Variants in ACTN4 observed in about 807,000 individuals in gnomAD.
ACTN4 encodes alpha-actinin-4.
A neutral mutation model predicts 114.2 loss-of-function variants in ACTN4; 18 were observed. That is an observed-to-expected ratio of 0.16 (90% CI 0.11 to 0.23). The LOEUF (loss-of-function observed/expected upper bound fraction) is 0.23. Among genes scored for constraint, ACTN4 ranks in the 10% least tolerant of loss-of-function variants. The pLI, the probability that ACTN4 is intolerant of heterozygous loss-of-function variation, is 1.00. For synonymous variants in ACTN4, 515 were observed against 506.3 expected (o/e 1.02, Z -0.23); for missense variants, 722 against 1,262.9 (o/e 0.57, Z 6.49).
At chr19:38,692,622 G>A (rs1195774979) in intron 1 of ACTN4, among the ~76,000 whole-genome samples, 1 of 152,220 alleles carries the variant, frequency 6.6e-6, no homozygotes. Flanking sequence ...AAGCCCATGG[G>A]CTGGGGAGCC....
At chr19:38,698,294 G>A (rs1968157000) in intron 1 of ACTN4, among the ~76,000 whole-genome samples, 1 of 152,196 alleles carries the variant, frequency 6.6e-6, no homozygotes, top group South Asian at 2.1e-4. Flanking sequence ...TTGCAGAGGA[G>A]GAAATGGAAG....
At chr19:38,677,629 A>G (rs1399624530) in intron 1 of ACTN4, among the ~76,000 whole-genome samples, 2 of 82,626 alleles carry the variant, frequency 2.4e-5, no homozygotes, top group Admixed American at 1.2e-4. Context: ...CTGGAAGGTC[A>G]TAAGAAGTCC....
At chr19:38,710,210 A>T (rs747236797) in intron 7 of ACTN4, 47 bp from the exon 8 acceptor site, 1 of 1,602,924 alleles carries the variant, frequency 6.2e-7, no homozygotes, top group Non-Finnish European at 8.5e-7. Context: ...TGACGCCTCC[A>T]CCCCCCGCCC....
Position 38,729,405 on chromosome 19 carries a change from G to T in ACTN4, c.2709G>T (p.Thr903=). 1 of 1,612,816 alleles carries T rather than the reference G, an allele frequency of 6.2e-7. No homozygotes were observed. Among genetic ancestry groups the T allele is most frequent in the Non-Finnish European group, 8.5e-7 (1 of 1,179,964 alleles). The change falls in exon 21 of 21, where the codon ACG becomes ACT. Residue 903 remains threonine, a synonymous_variant. Transcript: ENST00000252699. The part of the protein sequence containing the change: ...PGALDYKSFS[T]ALYGESDL ...CCCTCGACTACAAGTCCTTCTCCAC[G>T]GCCTTGTATGGCGAGAGCGACCTGT... is the stretch of plus-strand genomic sequence containing the variant.
intron 3 of ACTN4, 44 bp downstream of exon 3, chr19:38,701,165 C>A (rs1462277031): frequency 6.2e-7 from 1 of 1,611,736 alleles, no homozygotes; most frequent in African/African-American, 1.3e-5. Context: ...CGGTTTCTGA[C>A]CTTTAGGCTC....
intron 12 of ACTN4, among the ~76,000 whole-genome samples, 169 bp from the exon 13 acceptor site, chr19:38,723,445 T>C (rs1969114518): frequency 1.3e-5 from 2 of 152,134 alleles, no homozygotes; most frequent in African/African-American, 4.8e-5. Context: ...GGGGGTCCCA[T>C]GGGCCAGAAC....
intron 1 of ACTN4, among the ~76,000 whole-genome samples, chr19:38,695,322 G>A (rs767584114): frequency 1.3e-5 from 2 of 152,218 alleles, no homozygotes; most frequent in Non-Finnish European, 2.9e-5. Context: ...AGTCAGAGTC[G>A]CTGCTGCCCC....
Position 38,724,008 on chromosome 19 carries a change from C to T in ACTN4, c.1623C>T (p.Asn541=), listed in dbSNP as rs1323538463. ...ACGCCAAGCGCGCGGCCCCCTTCAA[C>T]AACTGGATGGAGAGCGCCATGGAGG... ...LEYAKRAAPF[N]NWMESAMEDL... is the part of the protein sequence containing the mutation. The change falls in exon 14 of 21, where the codon AAC becomes AAT. Residue 541 remains asparagine (N), a synonymous_variant. Transcript: ENST00000252699. The surrounding 1 kb of genome is among the most constrained non-coding windows in gnomAD (Gnocchi z 7.0). 1 of 1,613,888 alleles carries T rather than the reference C, an allele frequency of 6.2e-7. No individual in the cohort carries two copies.
intron 12 of ACTN4, among the ~76,000 whole-genome samples, chr19:38,722,737 C>T (rs1021013735): frequency 1.3e-5 from 2 of 152,236 alleles, no homozygotes; most frequent in Admixed American, 6.5e-5. Context: ...GCAGCTTCCC[C>T]AGTGACGGAA....
chr19:38,670,218 C>T (rs968192112), intron 1 of ACTN4, among the ~76,000 whole-genome samples: 1 of 152,170 alleles, frequency 6.6e-6, no homozygotes, highest in Non-Finnish European at 1.5e-5. Context: ...GATCACGTAA[C>T]ACCCTCCACT....
intron 1 of ACTN4, among the ~76,000 whole-genome samples, chr19:38,696,456 C>T (rs1238955339): frequency 2.6e-5 from 4 of 152,136 alleles, no homozygotes; most frequent in Non-Finnish European, 4.4e-5. Context: ...ATCCACCCCA[C>T]GCAGCGTAGT....
intron 11 of ACTN4, among the ~76,000 whole-genome samples, chr19:38,719,990 G>C (rs1042010186): frequency 6.6e-6 from 1 of 152,210 alleles, no homozygotes; most frequent in Admixed American, 6.5e-5. Flanking sequence ...GCATCCACGC[G>C]GGTCTGCCCA....
chr19:38,682,379 C>T (rs1411116122), intron 1 of ACTN4, among the ~76,000 whole-genome samples: 2 of 151,454 alleles, frequency 1.3e-5, no homozygotes, highest in Non-Finnish European at 2.9e-5. Context: ...GAAACAGGGT[C>T]TCACTATGTT....
intron 6 of ACTN4, 113 bp downstream of exon 6, chr19:38,708,308 C>A: frequency 1.7e-6 from 2 of 1,204,048 alleles, no homozygotes; most frequent in Non-Finnish European, 1.2e-6. Context: ...CTGGGTTCTG[C>A]ACGCAGATGG....
At chr19:38,667,638 G>A (rs1292316854) in intron 1 of ACTN4, among the ~76,000 whole-genome samples, 2 of 151,742 alleles carry the variant, frequency 1.3e-5, no homozygotes, top group African/African-American at 4.8e-5. Flanking sequence ...CTAGGTGCAC[G>A]GTGCCCCATT....
chr19:38,712,248 G>T (rs28488032), intron 8 of ACTN4, among the ~76,000 whole-genome samples: 13 of 151,540 alleles, frequency 8.6e-5, no homozygotes, highest in African/African-American at 2.9e-4. Flanking sequence ...AAACTAGAAG[G>T]GGGGGGCCGT....
At chr19:38,653,492 G>A (rs1232269684) in intron 1 of ACTN4, among the ~76,000 whole-genome samples, 2 of 150,834 alleles carry the variant, frequency 1.3e-5, no homozygotes, top group African/African-American at 4.9e-5. Flanking sequence ...TATAATTAGT[G>A]AACAGCTGTT....
rs1437176582 is a variant in ACTN4, at chr19:38,714,455, G to T, written c.820-14G>T. ...CCAGCCCCCAGGCAGCCCTGACTGT[G>T]TGCTCCCCTCCAGGCTGAAACTGCC... On this transcript the variant is annotated splice_polypyrimidine_tract_variant and intron_variant, in intron 8 of 20. Coordinates refer to ENST00000252699, the MANE Select transcript of ACTN4 (RefSeq NM_004924.6). 3 of 1,613,314 alleles carry T rather than the reference G, an allele frequency of 1.9e-6. No homozygotes were observed. Among genetic ancestry groups the T allele is most frequent in the Non-Finnish European group, 2.5e-6 (3 of 1,179,918 alleles).
chr19:38,728,235 C>T, intron 19 of ACTN4: 1 of 1,459,726 alleles, frequency 6.9e-7, no homozygotes, highest in Non-Finnish European at 9.4e-7. Context: ...ACTGTCCTGT[C>T]TGCCTGCTGT....
Sources: gnomAD v4.1 joint callset for allele counts (sites outside exome capture counted in the v4.1 genomes callset) on GRCh38, gnomAD v4.1.1 for gene constraint, Gnocchi (gnomAD v3.1) non-coding constraint, MANE v1.5 for transcripts, NCBI Gene and HGNC (gene_info 2026-07-23, HGNC 2026-07-21) for gene names.